RCAN3: variants seen among roughly 807,000 people sequenced by gnomAD.
The protein encoded by RCAN3 is calcipressin-3.
Under a neutral mutation model 21.9 loss-of-function variants are expected in RCAN3, and 19 were observed. The ratio of observed to expected loss-of-function variants is 0.87; its 90% CI spans 0.61 to 1.27. The LOEUF is 1.27. Ranked by LOEUF, RCAN3 falls within the 50% of genes most tolerant of loss-of-function variation. RCAN3 has a pLI of 0.00. For synonymous variants in RCAN3, 114 were observed against 112.3 expected, an observed-to-expected ratio of 1.01 and a Z score of -0.09; for missense variants, 240 against 300.1, an observed-to-expected ratio of 0.80 and a Z score of 1.48.
Position 24,539,465 on chromosome 1 carries a change from G to C in RCAN3, c.*4188G>C, listed in dbSNP as rs1226432887. On this transcript the variant is annotated 3_prime_UTR_variant, in exon 5 of 5. Coordinates refer to ENST00000374395, the MANE Select transcript of RCAN3 (RefSeq NM_013441.4). ...TTGGTATTTTATGTGGGCCTTCCCAGATTTTCATATTAATGAAATGACTAA... is the reference window on the plus strand; with the variant it reads ...TTGGTATTTTATGTGGGCCTTCCCACATTTTCATATTAATGAAATGACTAA... 1 of 152,174 alleles carries C rather than the reference G, an allele frequency of 6.6e-6. No individual in the cohort carries two copies. The highest frequency in any genetic ancestry group is 1.5e-5 in the Non-Finnish European group (1 of 68,036). 9.4% of individuals were successfully genotyped at this position (152,174 alleles called of 1,614,324 possible).
chr1:24,520,391 G>A (rs1457959275), intron 2 of RCAN3, among the ~76,000 whole-genome samples: 2 of 152,084 alleles, frequency 1.3e-5, no homozygotes, highest in Non-Finnish European at 2.9e-5. Flanking sequence ...AAACGTTGTT[G>A]AAAGAAATTT....
At chr1:24,523,643 T>C (rs200098042) in intron 2 of RCAN3, among the ~76,000 whole-genome samples, 2,978 of 126,664 alleles carry the variant, frequency 0.024, 90 homozygotes, top group African/African-American at 0.09. Context: ...CACACACACA[T>C]ATATATTTTT....
rs773447065 is a variant in RCAN3 at position 24,533,173 on chromosome 1, C to A, written c.460C>A (p.Pro154Thr). The A allele has an allele frequency of 1.2e-6, 2 of 1,607,592 alleles. No individual in the cohort carries two copies. The highest frequency in any genetic ancestry group is 1.7e-5 in the Admixed American group (1 of 58,610). The change falls in exon 4 of 5, where the codon CCG becomes ACG. Residue 154 changes from proline (P) to threonine (T), a missense_variant. Pro to Thr is a conservative substitution (Grantham distance 38). Transcript: ENST00000374395. ...CCTCATCTCCCCTCCAGCCTCTCCC[C>A]CGGTGGGGTGGAAGCAGAGCGAAGA... ...QFLISPPASP[P>T]VGWKQSEDAM...
chr1:24,527,351 A>C (rs1464409866), intron 2 of RCAN3, among the ~76,000 whole-genome samples: 1 of 152,226 alleles, frequency 6.6e-6, no homozygotes, highest in East Asian at 1.9e-4. Context: ...TAAGAGTAGG[A>C]TTAATCTTAA....
rs1391932660 is a variant in RCAN3 at position 24,536,584 on chromosome 1, T to A, written c.*1307T>A. 6.6e-6 allele frequency: 1 copy of A among 152,258 alleles called. No homozygotes were observed. The highest frequency in any genetic ancestry group is 1.5e-5 in the Non-Finnish European group (1 of 68,098). 9.4% of individuals were successfully genotyped at this position (152,258 alleles called of 1,614,324 possible). A position where few individuals can be genotyped will look rare whatever the true frequency, so the allele number is the denominator to read the frequency against. On this transcript the variant is annotated 3_prime_UTR_variant, in exon 5 of 5. Transcript: ENST00000374395. ...TTTGGGCCGGGTGGGTCTGCTGGCC[T>A]CCACTCACTGTGCTGTTTCCTTTGA... is the stretch of plus-strand genomic sequence containing the variant.
At chr1:24,505,783 G>A (rs370277441) in intron 1 of RCAN3, among the ~76,000 whole-genome samples, 122 of 152,224 alleles carry the variant, frequency 8.0e-4, no homozygotes, top group African/African-American at 2.8e-3. Context: ...AAAGTGAAAA[G>A]TACATCTAGC....
At chr1:24,534,789 A>G (rs1650090484) in intron 4 of RCAN3, among the ~76,000 whole-genome samples, 1 of 152,122 alleles carries the variant, frequency 6.6e-6, no homozygotes, top group Non-Finnish European at 1.5e-5. Flanking sequence ...ACAGAGCGAG[A>G]CTCCATCTCA....
At position 24,539,841 on chromosome 1, in the gene RCAN3, C is replaced by A. The variant is rs1650412757; in HGVS notation, c.*4564C>A. ...TGAACTTGGTCCATCTTTCCTTCTT[C>A]CTTTTTTTGCACATTTGCATTTATA... On this transcript the variant is annotated 3_prime_UTR_variant, in exon 5 of 5. Coordinates refer to ENST00000374395, the MANE Select transcript of RCAN3 (RefSeq NM_013441.4). 1 of 152,180 alleles carries A rather than the reference C, an allele frequency of 6.6e-6. No individual in the cohort carries two copies. The allele number at this position is 152,180 out of a possible 1,614,324, so 9.4% of individuals were successfully genotyped here. A position where few individuals can be genotyped will look rare whatever the true frequency, so the allele number is the denominator to read the frequency against.
chr1:24,515,253 G>A (rs77748697), intron 2 of RCAN3, among the ~76,000 whole-genome samples: 2,155 of 152,196 alleles, frequency 0.014, 49 homozygotes, highest in African/African-American at 0.047. Context: ...CACAAAAGAA[G>A]GAATTCAGCT....
intron 2 of RCAN3, among the ~76,000 whole-genome samples, chr1:24,530,851 A>C (rs546043699): frequency 6.6e-6 from 1 of 152,196 alleles, no homozygotes; most frequent in African/African-American, 2.4e-5. Context: ...CTCTACTAAA[A>C]ATGTAAAAAT....
At chr1:24,508,687 G>A (rs1330219000) in intron 1 of RCAN3, among the ~76,000 whole-genome samples, 1 of 152,188 alleles carries the variant, frequency 6.6e-6, no homozygotes, top group Non-Finnish European at 1.5e-5. Flanking sequence ...CTACAGGCTT[G>A]TTCGGGGATA....
chr1:24,515,836 T>G (rs976581818), intron 2 of RCAN3, among the ~76,000 whole-genome samples: 28 of 152,094 alleles, frequency 1.8e-4, no homozygotes, highest in African/African-American at 5.8e-4. Flanking sequence ...AAATGGAATC[T>G]TAGTGCCTTT....
At chr1:24,530,052 T>C (rs543262974) in intron 2 of RCAN3, among the ~76,000 whole-genome samples, 2 of 148,758 alleles carry the variant, frequency 1.3e-5, no homozygotes, top group African/African-American at 2.5e-5. Flanking sequence ...GCTGAAACAG[T>C]ACTTAGAAAT....
intron 4 of RCAN3, among the ~76,000 whole-genome samples, chr1:24,533,565 T>C (rs1649971515): frequency 6.6e-6 from 1 of 152,104 alleles, no homozygotes; most frequent in African/African-American, 2.4e-5. Flanking sequence ...TTTGGGAGGC[T>C]AGGGTGGGCG....
intron 1 of RCAN3, among the ~76,000 whole-genome samples, chr1:24,503,525 C>A (rs1347475503): frequency 6.6e-6 from 1 of 152,344 alleles, no homozygotes; most frequent in East Asian, 1.9e-4. Flanking sequence ...AAGGTGGAAG[C>A]CCCCTGTCTT....
intron 3 of RCAN3, among the ~76,000 whole-genome samples, chr1:24,532,857 C>T (rs1649883534): frequency 7.5e-6 from 1 of 134,046 alleles, no homozygotes; most frequent in Non-Finnish European, 1.5e-5. Flanking sequence ...GAGGCTGAGG[C>T]AGGAGAATGT....
chr1:24,514,849 A>T (rs886106360), intron 2 of RCAN3, among the ~76,000 whole-genome samples: 1 of 151,888 alleles, frequency 6.6e-6, no homozygotes, highest in African/African-American at 2.4e-5. Flanking sequence ...CGCGCCTGTA[A>T]TCCCAGCTAC....
At chr1:24,534,460 A>G (rs1452020304) in intron 4 of RCAN3, among the ~76,000 whole-genome samples, 1 of 152,122 alleles carries the variant, frequency 6.6e-6, no homozygotes, top group African/African-American at 2.4e-5. Context: ...AAAACAAATT[A>G]GCCGGGCGTG....
chr1:24,514,360 A>C lies in RCAN3; in HGVS notation c.-13A>C. On this transcript the variant is annotated 5_prime_UTR_variant, in exon 2 of 5. Coordinates refer to ENST00000374395, the MANE Select transcript of RCAN3 (RefSeq NM_013441.4). ...AGGACTATACAGAAGGAAAAGGCCCACTTTGGGGGATAATGCTGAGGGACA... is the reference window on the plus strand; with the variant it reads ...AGGACTATACAGAAGGAAAAGGCCCCCTTTGGGGGATAATGCTGAGGGACA... The C allele has an allele frequency of 6.2e-7, 1 of 1,606,934 alleles. No homozygotes were observed. The highest frequency in any genetic ancestry group is 8.5e-7 in the Non-Finnish European group (1 of 1,176,262).
Sources: gnomAD v4.1 joint callset for allele counts (sites outside exome capture counted in the v4.1 genomes callset) on GRCh38, gnomAD v4.1.1 for gene constraint, MANE v1.5 for transcripts, NCBI Gene and HGNC (gene_info 2026-07-23, HGNC 2026-07-21) for gene names.